NBAS: variants seen among roughly 807,000 people sequenced by gnomAD.
The protein encoded by NBAS is NBAS subunit of NRZ tethering complex.
Under a neutral mutation model 302.5 loss-of-function variants are expected in NBAS, and 219 were observed. That is an observed-to-expected ratio of 0.72 (90% CI 0.65 to 0.81). The LOEUF (loss-of-function observed/expected upper bound fraction) is 0.81, where lower values mean the gene tolerates loss of function less well. Among genes scored for constraint, NBAS ranks in the 30% least tolerant of loss-of-function variants. The pLI is 0.00. For synonymous variants in NBAS, 1,118 were observed against 1,021.6 expected (o/e 1.09, Z -1.80); for missense variants, 2,932 against 2,841.6 (o/e 1.03, Z -0.72).
Position 15,263,118 on chromosome 2 carries a change from C to T in NBAS, c.5724+12366G>A, listed in dbSNP as rs572229918. ...TGGCCCTCCACTTCTGTTCCTTTCT[C>T]CAATCATCACAAAAGTGGTGAGATA... On this transcript the variant is annotated intron_variant, in intron 44 of 51. Coordinates refer to ENST00000281513, the MANE Select transcript of NBAS (RefSeq NM_015909.4). Among the ~76,000 whole-genome samples, 4 of 152,284 alleles carry T rather than the reference C, an allele frequency of 2.6e-5. No individual in the cohort carries two copies. The South Asian group carries it at 8.3e-4, about 32-fold the overall frequency.
chr2:15,270,295 G>C (rs2148039798), intron 44 of NBAS, among the ~76,000 whole-genome samples: 1 of 152,210 alleles, frequency 6.6e-6, no homozygotes, highest in East Asian at 1.9e-4. Flanking sequence ...CTCCCGAGTG[G>C]CTGGGATTAC....
At chr2:15,291,196 T>G (rs1306859129) in intron 41 of NBAS, among the ~76,000 whole-genome samples, 1 of 152,220 alleles carries the variant, frequency 6.6e-6, no homozygotes, top group Non-Finnish European at 1.5e-5. Flanking sequence ...GGTGCTGTGG[T>G]GAAGATGTGA....
At chr2:15,127,755 G>T in the NBAS span, among the ~76,000 whole-genome samples, 1 of 152,112 alleles carries the variant, frequency 6.6e-6, no homozygotes, top group South Asian at 2.1e-4. Context: ...AAAGCTGATC[G>T]TAAATGTGGT....
the NBAS span, among the ~76,000 whole-genome samples, chr2:15,102,977 G>GAGGAAGGAACGAAGGA: frequency 1.0e-5 from 1 of 95,434 alleles, no homozygotes; most frequent in African/African-American, 5.3e-5. Context: ...AGGCATTAAG[G>GAGGAAGGAACGAAGGA]AGGAAGGAAG....
rs67437705 is a variant in NBAS at position 15,528,866 on chromosome 2, CAA to C, written c.746+5675_746+5676del. On this transcript the variant is annotated intron_variant, in intron 9 of 51. Transcript: ENST00000281513. ...TGGGCAACAGAGTGAGACTCCATCTCAAAAAAAAAAAAATATATATATATATA... is the reference window on the plus strand; with the variant it reads ...TGGGCAACAGAGTGAGACTCCATCTCAAAAAAAAAAATATATATATATATA... Among the ~76,000 whole-genome samples the C allele has an allele frequency of 5.3e-4, 47 of 88,718 alleles. 1 individual carries two copies. Among genetic ancestry groups the C allele is most frequent in the African/African-American group, 1.7e-3 (42 of 24,484 alleles). 58.2% of individuals were successfully genotyped at this position (88,718 alleles called of 152,430 possible).
chr2:14,973,783 GT>G, the NBAS span, among the ~76,000 whole-genome samples: 1 of 152,176 alleles, frequency 6.6e-6, no homozygotes, highest in Non-Finnish European at 1.5e-5. Flanking sequence ...TTTCTGTAAA[GT>G]TTTTCAGGAG....
At chr2:15,391,792 G>T (rs540009062) in intron 28 of NBAS, among the ~76,000 whole-genome samples, 2 of 149,860 alleles carry the variant, frequency 1.3e-5, no homozygotes, top group South Asian at 4.2e-4. Flanking sequence ...AAACACATCA[G>T]AAATAGATTA....
At position 15,383,267 on chromosome 2, in the gene NBAS, A is replaced by T; in HGVS notation, c.3308T>A (p.Leu1103Ter). 1 of 1,614,114 alleles carries T rather than the reference A, an allele frequency of 6.2e-7. No homozygotes were observed. Among genetic ancestry groups the T allele is most frequent in the Non-Finnish European group, 8.5e-7 (1 of 1,179,980 alleles). ...SHWRTLLQDM[L>*]TMQQNVYTCL... ...TGTGTATACATTCTGCTGCATAGTT[A>T]ACATGTCTTGCAGCAACGTTCTCCA... is the stretch of plus-strand genomic sequence containing the variant. The change falls in exon 29 of 52, where the codon TTA becomes TAA. Residue 1103 changes from leucine (L) to a stop codon, truncating the protein, a stop_gained. Transcript: ENST00000281513. LOFTEE classifies it high-confidence loss of function.
chr2:15,244,122 A>C (rs1038583750), intron 44 of NBAS, among the ~76,000 whole-genome samples: 2 of 152,182 alleles, frequency 1.3e-5, no homozygotes, highest in African/African-American at 4.8e-5. Context: ...ACAGAACAAT[A>C]TTTCAAAACA....
At chr2:15,101,342 G>T in the NBAS span, among the ~76,000 whole-genome samples, 2 of 151,698 alleles carry the variant, frequency 1.3e-5, no homozygotes. Context: ...AAACAATTTA[G>T]GATATTATCT....
chr2:15,468,659 G>C (rs1395439692), intron 16 of NBAS, 126 bp from the exon 17 acceptor site: 1 of 1,072,104 alleles, frequency 9.3e-7, no homozygotes, highest in Non-Finnish European at 1.4e-6. Context: ...TGGCCATAGG[G>C]AGCTGCTAGA....
At chr2:15,236,379 C>A (rs1320453792) in intron 45 of NBAS, among the ~76,000 whole-genome samples, 2 of 151,358 alleles carry the variant, frequency 1.3e-5, no homozygotes, top group Non-Finnish European at 2.9e-5. Flanking sequence ...GAAACTCTGT[C>A]CCTACAAAAA....
the NBAS span, among the ~76,000 whole-genome samples, chr2:15,027,976 A>G: frequency 1.9e-4 from 29 of 152,300 alleles, 1 homozygote; most frequent in South Asian, 5.8e-3. Context: ...TTTACTGGAA[A>G]ACAACTCTGC....
At chr2:15,557,394 T>A (rs2052436) in intron 2 of NBAS, among the ~76,000 whole-genome samples, 2 of 151,916 alleles carry the variant, frequency 1.3e-5, no homozygotes, top group Non-Finnish European at 1.5e-5. Context: ...CTAGGTGGTA[T>A]GAGGACAAAT....
the NBAS span, among the ~76,000 whole-genome samples, chr2:14,975,714 C>T: frequency 9.3e-4 from 142 of 152,200 alleles, no homozygotes; most frequent in African/African-American, 3.2e-3. Flanking sequence ...GTCCCACATA[C>T]GTTGATAATT....
chr2:15,439,899 G>A (rs1272042516), intron 21 of NBAS, among the ~76,000 whole-genome samples: 1 of 152,232 alleles, frequency 6.6e-6, no homozygotes, highest in East Asian at 1.9e-4. Flanking sequence ...GAGTCTCCCT[G>A]ATTGCTAACA....
chr2:15,080,225 C>T, the NBAS span, among the ~76,000 whole-genome samples: 1 of 152,290 alleles, frequency 6.6e-6, no homozygotes, highest in South Asian at 2.1e-4. Flanking sequence ...CTTTCTCCTC[C>T]AGAACTCCAG....
intron 51 of NBAS, among the ~76,000 whole-genome samples, chr2:15,174,233 C>G (rs12994933): frequency 0.12 from 18,253 of 152,270 alleles, 1,421 homozygotes; most frequent in East Asian, 0.35. Flanking sequence ...TGTCGATTCA[C>G]ACATGCGTTT....
At chr2:15,252,201 T>C (rs1001675454) in intron 44 of NBAS, among the ~76,000 whole-genome samples, 2 of 152,142 alleles carry the variant, frequency 1.3e-5, no homozygotes, top group South Asian at 4.1e-4. Flanking sequence ...TTTTTTTCTT[T>C]TAAAAATGAA....
Sources: allele counts gnomAD v4.1 joint callset (sites outside exome capture counted in the v4.1 genomes callset), GRCh38; gene constraint gnomAD v4.1.1; transcripts MANE v1.5; gene names NCBI Gene and HGNC (gene_info 2026-07-23, HGNC 2026-07-21).